Variants in ZNF557 observed in about 807,000 individuals in gnomAD.
ZNF557 encodes CTB-25J19.9.
Under a neutral mutation model 21.2 loss-of-function variants are expected in ZNF557, and 19 were observed. The observed-to-expected ratio is 0.90, with a 90% CI of 0.63 to 1.32. The LOEUF is 1.32. ZNF557 is among the 40% of genes most tolerant of loss of function. ZNF557 has a pLI of 0.00. For synonymous variants in ZNF557, 207 were observed against 194.8 expected (o/e 1.06, Z -0.52); for missense variants, 487 against 519.8 (o/e 0.94, Z 0.61).
chr19:7,075,857 G>T, intron 4 of ZNF557, 114 bp downstream of exon 4: 1 of 1,512,548 alleles, frequency 6.6e-7, no homozygotes, highest in South Asian at 1.3e-5. Flanking sequence ...GGCATCCCAG[G>T]GTCTCTGAGT....
At chr19:7,075,377 C>T (rs902595251) in intron 3 of ZNF557, among the ~76,000 whole-genome samples, 11 of 152,188 alleles carry the variant, frequency 7.2e-5, no homozygotes, top group African/African-American at 1.7e-4. Flanking sequence ...GTGACGCCCT[C>T]GGAACTTCAG....
intron 3 of ZNF557, among the ~76,000 whole-genome samples, 180 bp from the exon 4 acceptor site, chr19:7,075,475 A>G (rs1299011241): frequency 6.6e-6 from 1 of 152,152 alleles, no homozygotes; most frequent in Non-Finnish European, 1.5e-5. Flanking sequence ...CGGCAGGGCC[A>G]TGCTCTGGTT....
intron 5 of ZNF557, 46 bp from the exon 6 acceptor site, chr19:7,081,314 C>T (rs751892659): frequency 1.5e-6 from 2 of 1,331,480 alleles, no homozygotes; most frequent in Non-Finnish European, 1.1e-6. Context: ...GAGAGCTTGT[C>T]TGCTGCACAG....
Position 7,083,426 on chromosome 19 carries a change from T to C in ZNF557, c.975T>C (p.Cys325=), listed in dbSNP as rs558167996. Residue 325 remains cysteine (C), a synonymous_variant, in exon 8 of 8, where the codon TGT becomes TGC. Transcript: ENST00000252840. The part of the protein sequence containing the change: ...TGEYPYECHD[C]GRTFRRRSNL... ...AGTACCCTTACGAATGCCACGATTG[T>C]GGGAGAACCTTCAGGAGGAGGTCGA... 36 of 1,614,062 alleles carry C rather than the reference T, an allele frequency of 2.2e-5. No homozygotes were observed. Among genetic ancestry groups the C allele is most frequent in the Non-Finnish European group, 3.0e-5 (35 of 1,180,044 alleles).
In ZNF557 at chr19:7,075,256, G is replaced by A. The variant is rs866782704; in HGVS notation, c.31+151G>A. 60 of 1,018,780 alleles carry A rather than the reference G, an allele frequency of 5.9e-5. No individual in the cohort carries two copies. The Middle Eastern group carries it at 8.2e-4, about 14-fold the overall frequency. 63.1% of individuals were successfully genotyped at this position (1,018,780 alleles called of 1,614,324 possible). On this transcript the variant is annotated intron_variant, in intron 3 of 7. Transcript: ENST00000252840. ...CTCCGTGTCTGATCGGGCGGCTCTT[G>A]GGACTTGGGACTTAGGCATTTGGGT...
intron 5 of ZNF557, among the ~76,000 whole-genome samples, chr19:7,081,021 G>A (rs1977686967): frequency 6.6e-6 from 1 of 152,082 alleles, no homozygotes; most frequent in South Asian, 2.1e-4. Flanking sequence ...ATGAAATGAA[G>A]ATCTCCTTCT....
In ZNF557 at chr19:7,075,724, T is replaced by A. The variant is rs1977574537; in HGVS notation, c.101T>A (p.Leu34His). 3.7e-6 allele frequency: 6 copies of A among 1,613,364 alleles called. No individual in the cohort carries two copies. In the East Asian group the frequency reaches 1.3e-4, roughly 36 times the overall value. ...GAGGGCGGAGAGCTGGTTAATGAGC[T>A]CCTGAAAAGCTGGCTAAAGGTGAGT... Reference protein sequence around the residue: ...HTEGGELVNELLKSWLKGLVT... With the variant: ...HTEGGELVNEHLKSWLKGLVT... The change falls in exon 4 of 8, where the codon CTC (leucine) becomes CAC (histidine). Residue 34 changes from leucine to histidine, a missense_variant. Coordinates refer to ENST00000252840, the MANE Select transcript of ZNF557 (RefSeq NM_024341.3).
At chr19:7,077,248 G>A (rs1977605346) in intron 5 of ZNF557, among the ~76,000 whole-genome samples, 1 of 137,096 alleles carries the variant, frequency 7.3e-6, no homozygotes, top group African/African-American at 2.8e-5. Flanking sequence ...CTGTTCTCCT[G>A]CCTCAGCCTC....
Position 7,075,083 on chromosome 19 carries a change from TGTC to T in ZNF557, c.13_15del (p.Val5del), listed in dbSNP as rs1977556895. ...GCTGTCGGAGTCACAGGATGGCGGC[TGTC>T]GTCCTGCCCCCAACTGCCGGTGAGT... is the stretch of plus-strand genomic sequence containing the variant. On this transcript the variant is annotated inframe_deletion, in exon 3 of 8. Coordinates refer to ENST00000252840, the MANE Select transcript of ZNF557 (RefSeq NM_024341.3). The T allele has an allele frequency of 6.2e-7, 1 of 1,613,934 alleles. No homozygotes were observed. Among genetic ancestry groups the T allele is most frequent in the African/African-American group, 1.3e-5 (1 of 74,886 alleles).
intron 2 of ZNF557, among the ~76,000 whole-genome samples, chr19:7,074,076 C>G (rs1044636537): frequency 6.7e-6 from 1 of 150,334 alleles, no homozygotes; most frequent in African/African-American, 2.5e-5. Flanking sequence ...TCCCGGCTCA[C>G]TACAAGCTCT....
intron 5 of ZNF557, among the ~76,000 whole-genome samples, chr19:7,078,906 C>G (rs573220315): frequency 2.0e-4 from 30 of 152,128 alleles, no homozygotes; most frequent in Non-Finnish European, 4.1e-4. Context: ...GACCTGTCAT[C>G]AAGTTCACTA....
At position 7,083,552 on chromosome 19, in the gene ZNF557, G is replaced by A. The variant is rs1282116256; in HGVS notation, c.1101G>A (p.Arg367=). ...FTNSFSLTIH[R]RIHNGEKSYE... ...ATAGCTTTTCTCTTACAATTCACAG[G>A]AGAATACATAATGGAGAGAAATCCT... Residue 367 remains arginine (R), a synonymous_variant, in exon 8 of 8, where the codon AGG becomes AGA. Transcript: ENST00000252840. 6 of 1,614,018 alleles carry A rather than the reference G, an allele frequency of 3.7e-6. No individual in the cohort carries two copies. The highest frequency in any genetic ancestry group is 5.1e-6 in the Non-Finnish European group (6 of 1,180,030).
intron 7 of ZNF557, among the ~76,000 whole-genome samples, chr19:7,082,525 T>C (rs1257406392): frequency 6.6e-6 from 1 of 152,186 alleles, no homozygotes; most frequent in East Asian, 1.9e-4. Context: ...TGTGAAATTA[T>C]TTTGAATTTG....
At chr19:7,078,494 G>T (rs1008452202) in intron 5 of ZNF557, among the ~76,000 whole-genome samples, 1 of 148,922 alleles carries the variant, frequency 6.7e-6, no homozygotes, top group African/African-American at 2.5e-5. Flanking sequence ...GCACTGGCAC[G>T]ATCTCAGCTC....
At chr19:7,071,378 A>G (rs571912600) in intron 2 of ZNF557, among the ~76,000 whole-genome samples, 1 of 152,362 alleles carries the variant, frequency 6.6e-6, no homozygotes, top group East Asian at 1.9e-4. Context: ...TCAGCTTCTC[A>G]GTCGCACTAA....
At position 7,083,050 on chromosome 19, in the gene ZNF557, G is replaced by T; in HGVS notation, c.599G>T (p.Arg200Ile). 1 of 1,614,066 alleles carries T rather than the reference G, an allele frequency of 6.2e-7. No homozygotes were observed. Among genetic ancestry groups the T allele is most frequent in the Non-Finnish European group, 8.5e-7 (1 of 1,179,974 alleles). ...AGATCTTACCTTGCTGTTCATAAGAGAATCCACAATGGGGAGAAACCCTAT... is the reference window on the plus strand; with the variant it reads ...AGATCTTACCTTGCTGTTCATAAGATAATCCACAATGGGGAGAAACCCTAT... ...SSRSYLAVHK[R>I]IHNGEKPYEC... Residue 200 changes from arginine (R) to isoleucine (I), a missense_variant, in exon 8 of 8, where the codon AGA (arginine) becomes ATA (isoleucine). Coordinates refer to ENST00000252840, the MANE Select transcript of ZNF557 (RefSeq NM_024341.3).
At chr19:7,077,228 C>G (rs1977604742) in intron 5 of ZNF557, among the ~76,000 whole-genome samples, 1 of 146,216 alleles carries the variant, frequency 6.8e-6, no homozygotes, top group Non-Finnish European at 1.5e-5. Context: ...CTCCACCTTC[C>G]AGGTTCAATC....
chr19:7,083,402 G>A lies in ZNF557; in HGVS notation c.951G>A (p.Glu317=), dbSNP rs753277506. The change falls in exon 8 of 8, where the codon GAG becomes GAA. Residue 317 remains glutamate, a synonymous_variant. Coordinates refer to ENST00000252840, the MANE Select transcript of ZNF557 (RefSeq NM_024341.3). ...CGCACTATAGCATTCATACAGGGGA[G>A]TACCCTTACGAATGCCACGATTGTG... ...LSSHYSIHTG[E]YPYECHDCGR... The A allele has an allele frequency of 6.2e-7, 1 of 1,614,188 alleles. No individual in the cohort carries two copies. Among genetic ancestry groups the A allele is most frequent in the Admixed American group, 1.7e-5 (1 of 60,014 alleles).
At chr19:7,073,528 C>T (rs1301579797) in intron 2 of ZNF557, among the ~76,000 whole-genome samples, 1 of 152,120 alleles carries the variant, frequency 6.6e-6, no homozygotes, top group African/African-American at 2.4e-5. Flanking sequence ...AATATATAAA[C>T]TTTTCACATG....
Sources: allele counts gnomAD v4.1 joint callset (sites outside exome capture counted in the v4.1 genomes callset), GRCh38; gene constraint gnomAD v4.1.1; transcripts MANE v1.5; gene names NCBI Gene and HGNC (gene_info 2026-07-23, HGNC 2026-07-21).